GRM7: variants seen among roughly 807,000 people sequenced by gnomAD.
GRM7 encodes metabotropic glutamate receptor 7.
In GRM7, 35 loss-of-function variants were observed where a neutral mutation model predicts 84.5. The observed-to-expected ratio is 0.41, with a 90% CI of 0.32 to 0.55. The LOEUF (loss-of-function observed/expected upper bound fraction) is 0.55, where lower values mean the gene tolerates loss of function less well. GRM7 is among the 20% of genes least tolerant of loss of function. GRM7 has a pLI of 0.19. For missense variants in GRM7, 1,003 were observed against 1,194.6 expected, an observed-to-expected ratio of 0.84 and a Z score of 2.36; for synonymous variants, 487 against 455.1, an observed-to-expected ratio of 1.07 and a Z score of -0.89.
chr3:7,329,753 C>T (rs1575175084), intron 4 of GRM7, among the ~76,000 whole-genome samples: 1 of 151,920 alleles, frequency 6.6e-6, no homozygotes, highest in East Asian at 1.9e-4. Context: ...GTTTATATTT[C>T]CTTTAAACTT....
chr3:7,270,937 A>G (rs988509837), intron 2 of GRM7, among the ~76,000 whole-genome samples: 4 of 152,298 alleles, frequency 2.6e-5, no homozygotes, highest in East Asian at 1.9e-4. Context: ...TGTTATCTCA[A>G]CAATGACCTA....
intron 4 of GRM7, chr3:7,403,270 C>T: frequency 9.0e-6 from 2 of 221,474 alleles, no homozygotes; most frequent in Non-Finnish European, 1.9e-5. Flanking sequence ...GTTATATACA[C>T]ATGAAAGTGA....
chr3:7,335,251 C>G (rs1189024072), intron 4 of GRM7, among the ~76,000 whole-genome samples: 3 of 151,964 alleles, frequency 2.0e-5, no homozygotes, highest in African/African-American at 7.2e-5. Context: ...GAAACTAACT[C>G]CAAGAGGAAC....
chr3:7,591,175 A>G (rs956925297), intron 8 of GRM7, among the ~76,000 whole-genome samples: 1 of 152,240 alleles, frequency 6.6e-6, no homozygotes, highest in African/African-American at 2.4e-5. Flanking sequence ...CTGAGGGAGT[A>G]TGTCATGAAG....
intron 1 of GRM7, among the ~76,000 whole-genome samples, chr3:6,901,636 A>T (rs891384977): frequency 4.6e-4 from 64 of 140,448 alleles, no homozygotes; most frequent in Non-Finnish European, 6.3e-4. Flanking sequence ...AAAAAAAAAA[A>T]ATATGTAGAA....
intron 1 of GRM7, among the ~76,000 whole-genome samples, chr3:6,960,751 C>G (rs1693265047): frequency 6.6e-6 from 1 of 152,110 alleles, no homozygotes; most frequent in South Asian, 2.1e-4. Context: ...CCCTTGATGA[C>G]CCAGGTTCCC....
intron 1 of GRM7, among the ~76,000 whole-genome samples, chr3:6,884,653 G>T (rs758052637): frequency 6.6e-6 from 1 of 151,636 alleles, no homozygotes; most frequent in Non-Finnish European, 1.5e-5. Flanking sequence ...AGGCTGGAGC[G>T]CAGTATCATG....
chr3:7,504,604 GA>G (rs915249271), intron 7 of GRM7, among the ~76,000 whole-genome samples: 3 of 152,162 alleles, frequency 2.0e-5, no homozygotes, highest in African/African-American at 7.2e-5. Context: ...CACATGATAA[GA>G]AAAGGCAAGA....
intron 9 of GRM7, among the ~76,000 whole-genome samples, chr3:7,683,549 T>G (rs1339011285): frequency 6.6e-6 from 1 of 152,178 alleles, no homozygotes; most frequent in African/African-American, 2.4e-5. Context: ...ACATTGGGGT[T>G]TCTGATGACC....
intron 9 of GRM7, among the ~76,000 whole-genome samples, chr3:7,710,418 C>G (rs1433003954): frequency 1.3e-5 from 2 of 152,098 alleles, no homozygotes; most frequent in Admixed American, 6.6e-5. Flanking sequence ...CTGGAGATTA[C>G]CAGTCATTTT....
intron 1 of GRM7, among the ~76,000 whole-genome samples, chr3:6,941,954 C>T (rs1360853264): frequency 1.3e-5 from 2 of 152,076 alleles, no homozygotes; most frequent in African/African-American, 2.4e-5. Context: ...AATAGAATAT[C>T]AGGAACAACA....
intron 1 of GRM7, among the ~76,000 whole-genome samples, chr3:6,970,400 G>A (rs905023579): frequency 2.6e-5 from 4 of 152,200 alleles, no homozygotes; most frequent in South Asian, 2.1e-4. Flanking sequence ...TCTTTGGACC[G>A]TACTTACAAC....
chr3:6,967,798 T>C (rs945226802), intron 1 of GRM7, among the ~76,000 whole-genome samples: 4 of 152,186 alleles, frequency 2.6e-5, no homozygotes, highest in Admixed American at 6.5e-5. Context: ...GCTGGAATCC[T>C]CATTCTGCCA....
At chr3:7,121,204 T>A (rs563006780) in intron 1 of GRM7, among the ~76,000 whole-genome samples, 1 of 152,182 alleles carries the variant, frequency 6.6e-6, no homozygotes, top group African/African-American at 2.4e-5. Context: ...CTACGGCAGA[T>A]TCCATTAAAA....
At position 6,986,719 on chromosome 3, in the gene GRM7, C is replaced by T. The variant is rs1694425656; in HGVS notation, c.519+124812C>T. Among the ~76,000 whole-genome samples, 4 of 152,280 alleles carry T rather than the reference C, an allele frequency of 2.6e-5. No homozygotes were observed. The South Asian group carries it at 8.3e-4, about 32-fold the overall frequency. On this transcript the variant is annotated intron_variant, in intron 1 of 9. Coordinates refer to ENST00000357716, the MANE Select transcript of GRM7 (RefSeq NM_000844.4). ...TAGGATGCCACTGTTCTAATCCTGTCCTGGCTTCCCCTGTATCTAAGCAGT... is the reference window on the plus strand; with the variant it reads ...TAGGATGCCACTGTTCTAATCCTGTTCTGGCTTCCCCTGTATCTAAGCAGT...
At chr3:7,680,752 T>C (rs900968927) in intron 9 of GRM7, 2 of 177,166 alleles carry the variant, frequency 1.1e-5, no homozygotes, top group African/African-American at 4.8e-5. Context: ...TTTGTACTAA[T>C]CAGGTCTTCT....
At chr3:6,891,363 G>A (rs1042111768) in intron 1 of GRM7, among the ~76,000 whole-genome samples, 5 of 152,158 alleles carry the variant, frequency 3.3e-5, no homozygotes, top group African/African-American at 4.8e-5. Flanking sequence ...TTTTGCAGTG[G>A]CTGGTACCGG....
intron 1 of GRM7, among the ~76,000 whole-genome samples, chr3:7,053,980 G>T (rs113138539): frequency 0.031 from 4,606 of 150,770 alleles, 186 homozygotes; most frequent in African/African-American, 0.093. Flanking sequence ...CATGGTATAT[G>T]GGATTTATTT....
chr3:7,506,600 A>G (rs1200610330), intron 7 of GRM7, among the ~76,000 whole-genome samples: 3 of 152,232 alleles, frequency 2.0e-5, no homozygotes, highest in Non-Finnish European at 4.4e-5. Flanking sequence ...ATGTTTATTT[A>G]GCCCACAGTT....
Sources: gnomAD v4.1 joint callset for allele counts (sites outside exome capture counted in the v4.1 genomes callset) on GRCh38, gnomAD v4.1.1 for gene constraint, MANE v1.5 for transcripts, NCBI Gene and HGNC (gene_info 2026-07-23, HGNC 2026-07-21) for gene names.